Variants in LOC400499 observed in about 807,000 individuals in gnomAD.
the LOC400499 span, among the ~76,000 whole-genome samples, chr16:11,432,594 T>A: frequency 6.6e-6 from 1 of 152,198 alleles, no homozygotes; most frequent in African/African-American, 2.4e-5. Context: ...GATTGATAAA[T>A]GTGAGAAAAG....
chr16:11,428,199 A>C, the LOC400499 span, among the ~76,000 whole-genome samples: 1 of 151,406 alleles, frequency 6.6e-6, no homozygotes, highest in Admixed American at 6.6e-5. Context: ...TTTGAGACTG[A>C]GTTTCGCTCT....
At chr16:11,405,525 G>C in the LOC400499 span, among the ~76,000 whole-genome samples, 1 of 152,216 alleles carries the variant, frequency 6.6e-6, no homozygotes, top group African/African-American at 2.4e-5. Context: ...ATTCTAGGCA[G>C]ATGGAAGAGC....
At chr16:11,383,990 C>T in the LOC400499 span, 5 of 1,231,796 alleles carry the variant, frequency 4.1e-6, no homozygotes, top group Non-Finnish European at 5.1e-6. Flanking sequence ...TTCTCAGTGG[C>T]CCTGCAGTCA....
chr16:11,457,835 A>C, the LOC400499 span, among the ~76,000 whole-genome samples: 2 of 152,320 alleles, frequency 1.3e-5, no homozygotes, highest in East Asian at 3.9e-4. Flanking sequence ...TTCGGCCTTA[A>C]AAAGGAAGGA....
chr16:11,420,617 AC>A, the LOC400499 span, among the ~76,000 whole-genome samples: 1 of 97,246 alleles, frequency 1.0e-5, no homozygotes, highest in African/African-American at 3.8e-5. Context: ...CCGGAAAAAA[AC>A]CCCAAACTTT....
the LOC400499 span, among the ~76,000 whole-genome samples, chr16:11,426,296 T>C: frequency 4.6e-5 from 7 of 151,884 alleles, 2 homozygotes; most frequent in East Asian, 3.9e-4. Context: ...ATTAGCCAGG[T>C]GTGGTGGCGC....
the LOC400499 span, chr16:11,390,366 C>A: frequency 4.9e-6 from 6 of 1,235,146 alleles, no homozygotes; most frequent in African/African-American, 6.2e-5. Context: ...CCCAGGCCTG[C>A]AGCCGCCGCA....
the LOC400499 span, chr16:11,393,549 G>A: frequency 8.1e-7 from 1 of 1,232,420 alleles, no homozygotes; most frequent in South Asian, 4.1e-5. Context: ...CTGAGCCTTG[G>A]AGCCACGAAG....
chr16:11,506,633 T>C, the LOC400499 span, among the ~76,000 whole-genome samples: 1 of 152,126 alleles, frequency 6.6e-6, no homozygotes, highest in African/African-American at 2.4e-5. Flanking sequence ...TCCTCCTTTG[T>C]TCCTTAGGGA....
the LOC400499 span, among the ~76,000 whole-genome samples, chr16:11,451,473 G>A: frequency 6.6e-6 from 1 of 152,022 alleles, no homozygotes; most frequent in East Asian, 1.9e-4. Flanking sequence ...CAGCTACTTG[G>A]GAGGCTGAGG....
chr16:11,480,136 T>C, the LOC400499 span, among the ~76,000 whole-genome samples: 4 of 152,168 alleles, frequency 2.6e-5, no homozygotes, highest in African/African-American at 7.2e-5. Context: ...CCACTCCCTA[T>C]TGTCTCTCCA....
chr16:11,461,942 T>G, the LOC400499 span, among the ~76,000 whole-genome samples: 2 of 152,142 alleles, frequency 1.3e-5, no homozygotes, highest in African/African-American at 4.8e-5. Flanking sequence ...GGTTTGTGGG[T>G]GCAGTTGGAG....
At chr16:11,453,039 T>G in the LOC400499 span, among the ~76,000 whole-genome samples, 1 of 152,134 alleles carries the variant, frequency 6.6e-6, no homozygotes, top group Admixed American at 6.5e-5. Context: ...TCTCCTGGGA[T>G]CCTTTTTACG....
the LOC400499 span, among the ~76,000 whole-genome samples, chr16:11,466,997 A>C: frequency 6.6e-6 from 1 of 151,654 alleles, no homozygotes; most frequent in Non-Finnish European, 1.5e-5. Flanking sequence ...CTGCTACCCA[A>C]ACTGGAGTGC....
the LOC400499 span, chr16:11,494,480 A>C: frequency 4.2e-3 from 1,151 of 272,404 alleles, no homozygotes; most frequent in East Asian, 6.8e-3. Context: ...AAAGGGGGGA[A>C]CCCACCCCCA....
the LOC400499 span, among the ~76,000 whole-genome samples, chr16:11,403,175 G>A: frequency 6.6e-6 from 1 of 152,138 alleles, no homozygotes; most frequent in Non-Finnish European, 1.5e-5. Context: ...GTGCACGCTG[G>A]TGACCTGTGA....
At chr16:11,460,046 G>C in the LOC400499 span, 11 of 1,436,384 alleles carry the variant, frequency 7.7e-6, no homozygotes, top group Middle Eastern at 3.6e-4. Flanking sequence ...CCTCATGCCA[G>C]AGCTGGACCT....
the LOC400499 span, among the ~76,000 whole-genome samples, chr16:11,452,412 C>T: frequency 0.053 from 8,025 of 152,164 alleles, 771 homozygotes; most frequent in African/African-American, 0.18. Context: ...AGGCTAGGGG[C>T]TGCTGGAGGA....
chr16:11,510,680 C>G, the LOC400499 span, among the ~76,000 whole-genome samples: 1 of 151,578 alleles, frequency 6.6e-6, no homozygotes, highest in African/African-American at 2.4e-5. Flanking sequence ...AGAGCCCCGG[C>G]AGTGCTCAGC....
Sources: gnomAD v4.1 joint callset for allele counts (sites outside exome capture counted in the v4.1 genomes callset) on GRCh38, gnomAD v4.1.1 for gene constraint, MANE v1.5 for transcripts.